The following ATXN7L1 variants were observed in gnomAD, a reference collection of about 807,000 sequenced individuals.
ATXN7L1 encodes the protein ataxin-7-like protein 1.
Under a neutral mutation model 70.8 loss-of-function variants are expected in ATXN7L1, and 15 were observed. The observed-to-expected ratio is 0.21, with a 90% confidence interval of 0.14 to 0.33. The LOEUF (loss-of-function observed/expected upper bound fraction) is 0.33. Ranked by LOEUF, ATXN7L1 falls within the 10% of genes least tolerant of loss-of-function variation. The pLI, the probability that ATXN7L1 is intolerant of heterozygous loss-of-function variation, is 1.00. For synonymous variants in ATXN7L1, 440 were observed against 445.1 expected (o/e 0.99, Z 0.14); for missense variants, 975 against 1,097.1 (o/e 0.89, Z 1.57).
chr7:105,693,263 C>T (rs1175731883), intron 3 of ATXN7L1, among the ~76,000 whole-genome samples: 1 of 152,118 alleles, frequency 6.6e-6, no homozygotes, highest in African/African-American at 2.4e-5. Context: ...GCCATCATAG[C>T]TCACTGCAGC....
intron 3 of ATXN7L1, among the ~76,000 whole-genome samples, chr7:105,733,661 TCCATCCATCCATCCATCCAC>T (rs1796951747): frequency 2.4e-5 from 3 of 123,392 alleles, no homozygotes; most frequent in Non-Finnish European, 1.7e-5. Context: ...CATCCATCCA[TCCATCCATCCATCCATCCAC>T]CCATCCACCC....
intron 8 of ATXN7L1, among the ~76,000 whole-genome samples, chr7:105,621,435 G>C (rs1794918294): frequency 1.3e-5 from 2 of 152,148 alleles, no homozygotes. Context: ...GACTATCAGT[G>C]TATAGACAGG....
intron 3 of ATXN7L1, among the ~76,000 whole-genome samples, chr7:105,675,004 G>T (rs1279976579): frequency 6.6e-6 from 1 of 152,144 alleles, no homozygotes; most frequent in African/African-American, 2.4e-5. Flanking sequence ...CATTTTTCTG[G>T]AGAGCAACCT....
intron 2 of ATXN7L1, among the ~76,000 whole-genome samples, chr7:105,792,878 A>G (rs1805457562): frequency 6.6e-6 from 1 of 152,206 alleles, no homozygotes; most frequent in African/African-American, 2.4e-5. Context: ...CCTAGTGATA[A>G]CCACTGTTGA....
chr7:105,698,675 G>A (rs1792052790), intron 3 of ATXN7L1, among the ~76,000 whole-genome samples: 1 of 152,086 alleles, frequency 6.6e-6, no homozygotes, highest in African/African-American at 2.4e-5. Context: ...AGATTCTGGG[G>A]GAGAGTGAGT....
chr7:105,711,276 G>A (rs1391469485), intron 3 of ATXN7L1, among the ~76,000 whole-genome samples: 1 of 152,004 alleles, frequency 6.6e-6, no homozygotes, highest in Non-Finnish European at 1.5e-5. Flanking sequence ...TCTGTCCCTG[G>A]CCCCTCCCAA....
At chr7:105,750,592 A>G (rs1400916334) in intron 3 of ATXN7L1, among the ~76,000 whole-genome samples, 1 of 148,208 alleles carries the variant, frequency 6.7e-6, no homozygotes, top group East Asian at 2.1e-4. Context: ...GCCTGAGGTC[A>G]GGCGTTCGAG....
intron 3 of ATXN7L1, among the ~76,000 whole-genome samples, chr7:105,694,133 C>T (rs764881848): frequency 7.3e-5 from 11 of 151,610 alleles, no homozygotes; most frequent in Non-Finnish European, 1.0e-4. Context: ...CTGCAACCTC[C>T]GCCTCCCGGG....
At chr7:105,720,703 T>A (rs868289947) in intron 3 of ATXN7L1, among the ~76,000 whole-genome samples, 25 of 152,074 alleles carry the variant, frequency 1.6e-4, no homozygotes, top group Admixed American at 9.8e-4. Context: ...ACTCCTAGGC[T>A]CAGCGATCCT....
At chr7:105,764,874 A>T (rs752987609) in intron 3 of ATXN7L1, among the ~76,000 whole-genome samples, 2 of 152,154 alleles carry the variant, frequency 1.3e-5, no homozygotes, top group Admixed American at 6.5e-5. Flanking sequence ...TATATCATGT[A>T]CAGCTGGCTC....
intron 2 of ATXN7L1, among the ~76,000 whole-genome samples, chr7:105,820,651 T>C (rs993572494): frequency 2.6e-5 from 4 of 152,192 alleles, no homozygotes; most frequent in South Asian, 2.1e-4. Context: ...GACTCAGTTA[T>C]AATAAACCAA....
In ATXN7L1 at chr7:105,607,704, A is replaced by T; in HGVS notation, c.*148T>A. 1.6e-6 allele frequency: 1 copy of T among 617,860 alleles called. No individual in the cohort carries two copies. Among genetic ancestry groups the T allele is most frequent in the Non-Finnish European group, 2.7e-6 (1 of 364,090 alleles). The allele number at this position is 617,860 out of a possible 1,614,324, so 38.3% of individuals were successfully genotyped here. A position where few individuals can be genotyped will look rare whatever the true frequency, so the allele number is the denominator to read the frequency against. On this transcript the variant is annotated 3_prime_UTR_variant, in exon 12 of 12. Coordinates refer to ENST00000419735, the MANE Select transcript of ATXN7L1 (RefSeq NM_020725.2). ...TTTTTAACTAAAAATTGGTCAATTA[A>T]AAAAAGAAGAAGAAAGGCCAGAGTC...
chr7:105,711,876 C>G (rs777174255), intron 3 of ATXN7L1, among the ~76,000 whole-genome samples: 8 of 152,280 alleles, frequency 5.3e-5, no homozygotes, highest in Non-Finnish European at 8.8e-5. Context: ...TTCACCTCTG[C>G]ACTGCCCTAG....
intron 5 of ATXN7L1, 47 bp downstream of exon 5, chr7:105,642,781 GCTGCGACTCC>G (rs1798461279): frequency 6.7e-7 from 1 of 1,485,582 alleles, no homozygotes; most frequent in Non-Finnish European, 9.0e-7. Context: ...CTTCGTTATG[GCTGCGACTCC>G]CTTTCAGTCT....
At chr7:105,725,250 C>T (rs775256407) in intron 3 of ATXN7L1, among the ~76,000 whole-genome samples, 11 of 152,008 alleles carry the variant, frequency 7.2e-5, no homozygotes, top group African/African-American at 1.9e-4. Context: ...ACTGGTAAAA[C>T]GAAAGAAATC....
chr7:105,856,831 G>C (rs1173050888), intron 2 of ATXN7L1, among the ~76,000 whole-genome samples: 1 of 151,646 alleles, frequency 6.6e-6, no homozygotes, highest in African/African-American at 2.4e-5. Context: ...GTGAGACAGA[G>C]AGAGAGAGAG....
At chr7:105,786,630 C>T (rs531436680) in intron 3 of ATXN7L1, among the ~76,000 whole-genome samples, 1 of 152,230 alleles carries the variant, frequency 6.6e-6, no homozygotes, top group African/African-American at 2.4e-5. Flanking sequence ...AAGCAGTTCT[C>T]CCCCTCTGCC....
At chr7:105,829,002 C>T (rs1811229485) in intron 2 of ATXN7L1, among the ~76,000 whole-genome samples, 1 of 152,182 alleles carries the variant, frequency 6.6e-6, no homozygotes, top group Admixed American at 6.5e-5. Context: ...ACTAGATAAG[C>T]AGTCTTATTT....
intron 2 of ATXN7L1, among the ~76,000 whole-genome samples, chr7:105,790,939 G>A (rs542970953): frequency 6.6e-6 from 1 of 152,262 alleles, no homozygotes; most frequent in South Asian, 2.1e-4. Context: ...TGTCTTTAAT[G>A]AAACCCCTCA....
Sources: allele counts gnomAD v4.1 joint callset (sites outside exome capture counted in the v4.1 genomes callset), GRCh38; gene constraint gnomAD v4.1.1; transcripts MANE v1.5; gene names NCBI Gene and HGNC (gene_info 2026-07-23, HGNC 2026-07-21).